Variants in PPP2R2B observed in about 807,000 individuals in gnomAD.
The protein encoded by PPP2R2B is serine/threonine-protein phosphatase 2A 55 kDa regulatory subunit B beta isoform.
Under a neutral mutation model 46.0 loss-of-function variants are expected in PPP2R2B, and 5 were observed. The observed-to-expected ratio is 0.11, with a 90% confidence interval of 0.06 to 0.23. PPP2R2B has a LOEUF of 0.23. PPP2R2B is among the 10% of genes least tolerant of loss of function. PPP2R2B has a pLI of 1.00. For missense variants in PPP2R2B, 367 were observed against 575.0 expected (o/e 0.64, Z 3.70); for synonymous variants, 215 against 206.7 (o/e 1.04, Z -0.34).
chr5:146,901,654 A>G (rs1334543368), intron 1 of PPP2R2B, among the ~76,000 whole-genome samples: 1 of 152,136 alleles, frequency 6.6e-6, no homozygotes, highest in Non-Finnish European at 1.5e-5. Flanking sequence ...CCCTATCCTC[A>G]TGAAGCTTTC....
chr5:147,065,044 G>A (rs557083731), intron 2 of PPP2R2B, among the ~76,000 whole-genome samples: 5 of 152,318 alleles, frequency 3.3e-5, no homozygotes, highest in South Asian at 2.1e-4. Flanking sequence ...CTGGGCACTA[G>A]GAATGCTTAC....
chr5:146,636,139 A>G (rs1474604776), intron 7 of PPP2R2B, among the ~76,000 whole-genome samples: 2 of 152,206 alleles, frequency 1.3e-5, no homozygotes, highest in Non-Finnish European at 2.9e-5. Flanking sequence ...TTAATCTTCC[A>G]TAAAACACAA....
intron 2 of PPP2R2B, among the ~76,000 whole-genome samples, chr5:147,063,594 G>GA (rs1389537091): frequency 1.3e-5 from 2 of 152,186 alleles, no homozygotes; most frequent in African/African-American, 4.8e-5. Flanking sequence ...CTGTTCTGCA[G>GA]AAAAAAACTG....
intron 1 of PPP2R2B, among the ~76,000 whole-genome samples, chr5:146,939,887 T>C (rs1764267393): frequency 6.6e-6 from 1 of 152,214 alleles, no homozygotes; most frequent in South Asian, 2.1e-4. Context: ...GTACAAGTTT[T>C]ATTTTGCAAT....
chr5:146,816,179 G>T (rs1329480354), intron 2 of PPP2R2B, among the ~76,000 whole-genome samples: 1 of 152,146 alleles, frequency 6.6e-6, no homozygotes, highest in Non-Finnish European at 1.5e-5. Flanking sequence ...TGAGGCAGGA[G>T]GCTCGCTTGA....
chr5:146,835,393 AG>A (rs1488280490), intron 2 of PPP2R2B, among the ~76,000 whole-genome samples: 2 of 152,170 alleles, frequency 1.3e-5, no homozygotes, highest in Non-Finnish European at 2.9e-5. Context: ...CCACTTTATG[AG>A]GAAGCATAGA....
chr5:146,997,065 G>T (rs981103427), intron 1 of PPP2R2B, among the ~76,000 whole-genome samples: 5 of 152,166 alleles, frequency 3.3e-5, no homozygotes, highest in African/African-American at 1.2e-4. Context: ...CAACTCTAAA[G>T]TTCTAGATTT....
At chr5:146,608,622 C>G (rs977878349) in intron 7 of PPP2R2B, among the ~76,000 whole-genome samples, 6 of 152,096 alleles carry the variant, frequency 3.9e-5, no homozygotes, top group African/African-American at 7.2e-5. Flanking sequence ...TGGTGAAACC[C>G]CATCTCTACT....
intron 2 of PPP2R2B, among the ~76,000 whole-genome samples, chr5:146,868,231 G>A (rs893500183): frequency 6.6e-6 from 1 of 152,230 alleles, no homozygotes; most frequent in Non-Finnish European, 1.5e-5. Flanking sequence ...AGTCATGGCT[G>A]CCCAGACAGA....
intron 1 of PPP2R2B, among the ~76,000 whole-genome samples, chr5:146,924,288 C>G (rs1763708261): frequency 6.6e-6 from 1 of 152,164 alleles, no homozygotes; most frequent in African/African-American, 2.4e-5. Flanking sequence ...CCTGTGCTGT[C>G]TTTGCTTACA....
At chr5:146,906,873 C>T (rs1383464527) in intron 1 of PPP2R2B, among the ~76,000 whole-genome samples, 1 of 152,214 alleles carries the variant, frequency 6.6e-6, no homozygotes, top group Non-Finnish European at 1.5e-5. Flanking sequence ...AAAACTAGCA[C>T]ATTTTTTGAA....
chr5:146,960,665 G>A (rs1363219965), intron 1 of PPP2R2B, among the ~76,000 whole-genome samples: 1 of 152,154 alleles, frequency 6.6e-6, no homozygotes, highest in Non-Finnish European at 1.5e-5. Flanking sequence ...AAGCAATGTA[G>A]TCAAAAACCT....
intron 2 of PPP2R2B, among the ~76,000 whole-genome samples, chr5:146,805,501 CAAG>C (rs1405316190): frequency 6.6e-6 from 1 of 152,070 alleles, no homozygotes; most frequent in Non-Finnish European, 1.5e-5. Context: ...CTCATTTATC[CAAG>C]ATATTTGAGC....
At chr5:146,882,936 T>C (rs1762213149), upstream of PPP2R2B, among the ~76,000 whole-genome samples, 1 of 152,216 alleles carries the variant, frequency 6.6e-6, no homozygotes, top group Non-Finnish European at 1.5e-5. Context: ...TACATTCGTT[T>C]TTTTAACCAC....
chr5:146,667,310 C>T (rs1416026631), intron 5 of PPP2R2B, among the ~76,000 whole-genome samples: 1 of 142,888 alleles, frequency 7.0e-6, no homozygotes. Flanking sequence ...CAAGGAGAGA[C>T]AGCAGGAATA....
chr5:146,680,732 T>C lies in PPP2R2B; in HGVS notation c.447+10396A>G, dbSNP rs113018648. On this transcript the variant is annotated intron_variant, in intron 5 of 9. Coordinates refer to ENST00000394411, the MANE Select transcript of PPP2R2B (RefSeq NM_181675.4). ...ACCACTGCTTTTAACAGTTTTCTGG[T>C]AAAAAGAAAATAAACTCATCTGATC... Among the ~76,000 whole-genome samples the C allele has an allele frequency of 4.3e-3, 652 of 152,238 alleles. 5 individuals are homozygous for C. Among genetic ancestry groups the C allele is most frequent in the African/African-American group, 0.014 (580 of 41,526 alleles).
chr5:146,644,474 TAAAC>T lies in PPP2R2B; in HGVS notation c.626-6063_626-6060del, dbSNP rs1225287528. On this transcript the variant is annotated intron_variant, in intron 6 of 9. Transcript: ENST00000394411. ...CCAAATCTCTACAATGAATACATAT[TAAAC>T]AAAGAAAACAATAAGCATTAAAAAA... Among the ~76,000 whole-genome samples, 5 of 152,286 alleles carry T rather than the reference TAAAC, an allele frequency of 3.3e-5. No individual in the cohort carries two copies. In the East Asian group the frequency reaches 9.6e-4, roughly 29 times the overall value.
At chr5:147,002,950 C>T (rs1842343) in intron 1 of PPP2R2B, among the ~76,000 whole-genome samples, 25,943 of 151,926 alleles carry the variant, frequency 0.17, 2,820 homozygotes, top group East Asian at 0.29. Context: ...ATTTGACCCA[C>T]AAACCCTGAA....
At chr5:146,951,076 T>C (rs1215810846) in intron 1 of PPP2R2B, among the ~76,000 whole-genome samples, 1 of 152,016 alleles carries the variant, frequency 6.6e-6, no homozygotes, top group African/African-American at 2.4e-5. Flanking sequence ...ATCTAAGACC[T>C]CACTTACCAC....
Sources: gnomAD v4.1 joint callset for allele counts (sites outside exome capture counted in the v4.1 genomes callset) on GRCh38, gnomAD v4.1.1 for gene constraint, MANE v1.5 for transcripts, NCBI Gene and HGNC (gene_info 2026-07-23, HGNC 2026-07-21) for gene names.